MKLN1: variants seen among roughly 807,000 people sequenced by gnomAD.
MKLN1 encodes the protein muskelin.
A neutral mutation model predicts 99.0 loss-of-function variants in MKLN1; 18 were observed. The observed-to-expected ratio is 0.18, with a 90% CI of 0.13 to 0.27. MKLN1 has a LOEUF of 0.27. Among genes scored for constraint, MKLN1 ranks in the 10% least tolerant of loss-of-function variants. The probability of loss-of-function intolerance (pLI) is 1.00; values close to 1 mark genes in which losing one functional copy is unlikely to be tolerated. For missense variants in MKLN1, 621 were observed against 875.9 expected (o/e 0.71, Z 3.67); for synonymous variants, 288 against 293.2 (o/e 0.98, Z 0.18).
intron 3 of MKLN1, among the ~76,000 whole-genome samples, chr7:131,236,489 C>T (rs767789070): frequency 1.3e-5 from 2 of 151,968 alleles, no homozygotes; most frequent in Admixed American, 6.6e-5. Context: ...GGTGAAACCC[C>T]GACTCTACTA....
intron 1 of MKLN1, among the ~76,000 whole-genome samples, chr7:131,374,319 C>G (rs1044624089): frequency 6.6e-6 from 1 of 152,008 alleles, no homozygotes; most frequent in South Asian, 2.1e-4. Context: ...ACTGGTGTGT[C>G]ACTGCTTCTA....
chr7:131,379,983 T>C (rs1342101840), intron 2 of MKLN1, among the ~76,000 whole-genome samples: 2 of 152,148 alleles, frequency 1.3e-5, no homozygotes, highest in East Asian at 3.8e-4. Context: ...ATAGCACCTT[T>C]GACAAACCCC....
At chr7:131,400,831 A>G (rs1283115336) in intron 6 of MKLN1, among the ~76,000 whole-genome samples, 2 of 152,100 alleles carry the variant, frequency 1.3e-5, no homozygotes, top group African/African-American at 2.4e-5. Flanking sequence ...CTTTGGCTCT[A>G]GAAAGGAACC....
intron 17 of MKLN1, among the ~76,000 whole-genome samples, chr7:131,486,408 C>T (rs917310132): frequency 3.9e-5 from 6 of 152,050 alleles, no homozygotes; most frequent in Admixed American, 1.3e-4. Context: ...AAACATTCTC[C>T]CTCAAACTTA....
chr7:131,144,108 A>G (rs1359231141), intron 2 of MKLN1, among the ~76,000 whole-genome samples: 1 of 152,196 alleles, frequency 6.6e-6, no homozygotes, highest in Non-Finnish European at 1.5e-5. Context: ...TTTGTTCAGC[A>G]CTAGATGCTC....
At chr7:131,355,442 T>C (rs531713361) in intron 1 of MKLN1, among the ~76,000 whole-genome samples, 4 of 151,842 alleles carry the variant, frequency 2.6e-5, no homozygotes, top group Non-Finnish European at 4.4e-5. Context: ...GGTTTACTTA[T>C]ACATACATAT....
At chr7:131,214,082 C>G (rs1447803062) in intron 3 of MKLN1, among the ~76,000 whole-genome samples, 6 of 152,104 alleles carry the variant, frequency 3.9e-5, no homozygotes, top group African/African-American at 1.4e-4. Context: ...TTTAAACCAA[C>G]TTAAACTTAC....
chr7:131,388,300 G>C (rs945309864), intron 3 of MKLN1, among the ~76,000 whole-genome samples: 1 of 152,202 alleles, frequency 6.6e-6, no homozygotes, highest in Non-Finnish European at 1.5e-5. Context: ...AGCAACCTGA[G>C]GGTGAGTGAC....
chr7:131,414,169 AAATT>A (rs1338226614), intron 7 of MKLN1, among the ~76,000 whole-genome samples: 3 of 152,216 alleles, frequency 2.0e-5, no homozygotes, highest in African/African-American at 4.8e-5. Flanking sequence ...ACATTATACA[AAATT>A]AATATCATTA....
intron 2 of MKLN1, among the ~76,000 whole-genome samples, chr7:131,150,198 C>T (rs1563231940): frequency 6.6e-6 from 1 of 152,282 alleles, no homozygotes; most frequent in East Asian, 1.9e-4. Context: ...CACCATTGTT[C>T]ATAACTTAAA....
intron 14 of MKLN1, among the ~76,000 whole-genome samples, chr7:131,465,600 G>A (rs182552641): frequency 4.6e-5 from 7 of 151,940 alleles, no homozygotes; most frequent in South Asian, 2.1e-4. Flanking sequence ...GTACAGTGGC[G>A]CAATCTCTGC....
In MKLN1 at chr7:131,327,928, C is replaced by T. The variant is rs377589134; in HGVS notation, c.29C>T (p.Ala10Val). 7 of 1,613,078 alleles carry T rather than the reference C, an allele frequency of 4.3e-6. No homozygotes were observed. The African/African-American group carries it at 9.3e-5, about 22-fold the overall frequency. The part of the protein sequence containing the change: MAAGGAVAA[A>V]PECRLLPYAL... ...GCGGCTGGCGGAGCTGTCGCTGCGG[C>T]GCCCGAGTGCCGGCTTCTCCCCTAC... Residue 10 changes from alanine (A) to valine (V), a missense_variant, in exon 1 of 18, where the codon GCG becomes GTG. Ala to Val is a moderately conservative substitution (Grantham distance 64). Around this residue, in one of 8 missense-constraint regions of MKLN1, gnomAD observed 58 missense variants for 40.0 expected, o/e 1.45. Transcript: ENST00000352689.
intron 2 of MKLN1, among the ~76,000 whole-genome samples, chr7:131,145,545 G>T (rs1008978855): frequency 6.6e-6 from 1 of 152,182 alleles, no homozygotes; most frequent in East Asian, 1.9e-4. Flanking sequence ...ATCAACAAAG[G>T]ATTATATGGG....
chr7:131,202,448 G>T (rs984164149), intron 2 of MKLN1, among the ~76,000 whole-genome samples: 1 of 151,862 alleles, frequency 6.6e-6, no homozygotes, highest in Non-Finnish European at 1.5e-5. Context: ...TTGTTATATA[G>T]ATTAGAGGTT....
intron 3 of MKLN1, among the ~76,000 whole-genome samples, chr7:131,230,733 C>T (rs1355433697): frequency 6.6e-6 from 1 of 152,168 alleles, no homozygotes; most frequent in Non-Finnish European, 1.5e-5. Flanking sequence ...TCCTTCCCTA[C>T]AGTATATAAG....
intron 4 of MKLN1, among the ~76,000 whole-genome samples, chr7:131,394,965 T>A (rs1213307377): frequency 6.6e-6 from 1 of 152,046 alleles, no homozygotes; most frequent in Admixed American, 6.5e-5. Flanking sequence ...ATTACACAGA[T>A]CTCCCAAATG....
At chr7:131,200,681 A>T (rs1256380345) in intron 2 of MKLN1, among the ~76,000 whole-genome samples, 2 of 152,254 alleles carry the variant, frequency 1.3e-5, no homozygotes, top group Non-Finnish European at 2.9e-5. Context: ...TTTCCATGCA[A>T]TGGCTCTGTT....
At chr7:131,164,307 G>A (rs537773869) in intron 2 of MKLN1, among the ~76,000 whole-genome samples, 1 of 152,124 alleles carries the variant, frequency 6.6e-6, no homozygotes, top group Non-Finnish European at 1.5e-5. Context: ...TAGAGATGTG[G>A]TCTCACTATG....
chr7:131,211,466 A>G (rs1171174242), intron 3 of MKLN1, among the ~76,000 whole-genome samples: 1 of 152,172 alleles, frequency 6.6e-6, no homozygotes, highest in African/African-American at 2.4e-5. Flanking sequence ...GCCCTTACTG[A>G]GAGTCTGTAC....
Sources: allele counts gnomAD v4.1 joint callset (sites outside exome capture counted in the v4.1 genomes callset), GRCh38; gene constraint gnomAD v4.1.1; regional missense constraint gnomAD v4.1.1; transcripts MANE v1.5; gene names NCBI Gene and HGNC (gene_info 2026-07-23, HGNC 2026-07-21).